The following CC2D2B variants were observed in gnomAD, a reference collection of about 807,000 sequenced individuals.
The protein encoded by CC2D2B is coiled-coil and C2 domain containing 2B, also known as protein CC2D2B.
Under a neutral mutation model 161.2 loss-of-function variants are expected in CC2D2B, and 128 were observed. That is an observed-to-expected ratio of 0.79 (90% confidence interval 0.69 to 0.92). The LOEUF (loss-of-function observed/expected upper bound fraction) is 0.92. Among genes scored for constraint, CC2D2B ranks in the 40% least tolerant of loss-of-function variants. The probability of loss-of-function intolerance (pLI) is 0.00; values close to 1 mark genes in which losing one functional copy is unlikely to be tolerated. For missense variants in CC2D2B, 1,173 were observed against 1,375.1 expected (o/e 0.85, Z 2.32); for synonymous variants, 391 against 449.8 (o/e 0.87, Z 1.65).
At chr10:96,030,491 A>G (rs1172376440) in intron 34 of CC2D2B, among the ~76,000 whole-genome samples, 1 of 152,116 alleles carries the variant, frequency 6.6e-6, no homozygotes, top group Non-Finnish European at 1.5e-5. Context: ...GAGATGAAGT[A>G]AGGAATCTAT....
intron 6 of CC2D2B, among the ~76,000 whole-genome samples, chr10:95,932,943 G>A (rs1218920786): frequency 1.3e-5 from 2 of 152,146 alleles, no homozygotes; most frequent in Non-Finnish European, 2.9e-5. Context: ...CTAAGTTGGG[G>A]AAGTTCTCTT....
Position 95,991,359 on chromosome 10 carries a change from AT to A in CC2D2B, c.2380-3del, listed in dbSNP as rs936993684. On this transcript the variant is annotated splice_polypyrimidine_tract_variant and intron_variant, in intron 20 of 34. Coordinates refer to ENST00000646931, the MANE Select transcript of CC2D2B (RefSeq NM_001349008.3). ...CAATACATTTTTTATTAAATTCTAAATTTTTTTTAGGTGAGAAGGTTGATAA... is the reference window on the plus strand; with the variant it reads ...CAATACATTTTTTATTAAATTCTAAATTTTTTTAGGTGAGAAGGTTGATAA... The A allele has an allele frequency of 2.0e-4, 182 of 924,480 alleles. No homozygotes were observed. The highest frequency in any genetic ancestry group is 1.2e-3 in the East Asian group (36 of 29,878). The allele number at this position is 924,480 out of a possible 1,614,324, so 57.3% of individuals were successfully genotyped here. A position where few individuals can be genotyped will look rare whatever the true frequency, so the allele number is the denominator to read the frequency against.
Position 95,996,226 on chromosome 10 carries a change from G to A in CC2D2B, c.2823G>A (p.Trp941Ter). 1 of 1,494,806 alleles carries A rather than the reference G, an allele frequency of 6.7e-7. No homozygotes were observed. The highest frequency in any genetic ancestry group is 1.3e-5 in the South Asian group (1 of 77,882). 92.6% of individuals were successfully genotyped at this position (1,494,806 alleles called of 1,614,324 possible). A position where few individuals can be genotyped will look rare whatever the true frequency, so the allele number is the denominator to read the frequency against. Residue 941 changes from tryptophan to a stop codon, truncating the protein, a stop_gained, in exon 24 of 35, where the codon TGG becomes TGA. Transcript: ENST00000646931. LOFTEE classifies it high-confidence loss of function. ...CAGCAAGTGGATCTCATCCATGCTG[G>A]AATGAAGAAATTAAAGTAGATTTTG... ...TNTASGSHPC[W>*]NEEIKVDFVS...
At chr10:95,926,291 C>G (rs1014481589) in intron 5 of CC2D2B, among the ~76,000 whole-genome samples, 2 of 151,934 alleles carry the variant, frequency 1.3e-5, no homozygotes, top group Non-Finnish European at 2.9e-5. Flanking sequence ...AAACACGATC[C>G]CAATTACCAC....
intron 2 of CC2D2B, among the ~76,000 whole-genome samples, chr10:95,914,877 G>A (rs1422525686): frequency 6.6e-6 from 1 of 152,176 alleles, no homozygotes; most frequent in Non-Finnish European, 1.5e-5. Flanking sequence ...TTCCTGCTCA[G>A]GATAGCTCTG....
At chr10:95,920,771 A>G (rs1385604026) in intron 2 of CC2D2B, 1 of 152,292 alleles carries the variant, frequency 6.6e-6, no homozygotes, top group Non-Finnish European at 1.5e-5. Context: ...GAATTCTGCC[A>G]GGATTGCAAC....
intron 16 of CC2D2B, among the ~76,000 whole-genome samples, chr10:95,973,485 A>G (rs1383288229): frequency 6.6e-6 from 1 of 152,074 alleles, no homozygotes; most frequent in African/African-American, 2.4e-5. Context: ...TCATCTCTAC[A>G]TATTCATCTC....
intron 6 of CC2D2B, among the ~76,000 whole-genome samples, chr10:95,935,551 A>AG (rs1188461109): frequency 6.6e-6 from 1 of 151,154 alleles, no homozygotes; most frequent in Admixed American, 6.6e-5. Context: ...AAGTCCTTAC[A>AG]GGGGGGACCT....
intron 15 of CC2D2B, 28 bp downstream of exon 15, chr10:95,968,929 C>T (rs1172842180): frequency 3.4e-6 from 4 of 1,170,274 alleles, no homozygotes; most frequent in Non-Finnish European, 4.3e-6. Context: ...ACTTTTGTAT[C>T]TTATTTTATG....
At chr10:96,008,181 T>TC (rs796785911) in intron 25 of CC2D2B, among the ~76,000 whole-genome samples, 6 of 151,410 alleles carry the variant, frequency 4.0e-5, no homozygotes, top group African/African-American at 1.5e-4. Context: ...TTTTTTTTTT[T>TC]TTTGGTTTTG....
intron 14 of CC2D2B, among the ~76,000 whole-genome samples, chr10:95,968,164 C>T (rs1340379845): frequency 6.6e-6 from 1 of 152,148 alleles, no homozygotes; most frequent in Non-Finnish European, 1.5e-5. Flanking sequence ...GTGGCCTCCC[C>T]ACTGTCCTGG....
intron 25 of CC2D2B, among the ~76,000 whole-genome samples, chr10:96,007,198 C>T (rs2078787342): frequency 6.6e-6 from 1 of 152,080 alleles, no homozygotes; most frequent in African/African-American, 2.4e-5. Flanking sequence ...CTCCAATAGG[C>T]CCCAGTGTGT....
At chr10:95,989,415 G>A (rs1175498837) in intron 20 of CC2D2B, among the ~76,000 whole-genome samples, 1 of 152,202 alleles carries the variant, frequency 6.6e-6, no homozygotes, top group African/African-American at 2.4e-5. Flanking sequence ...CCAGGCATGA[G>A]ACAGCCCCCT....
intron 32 of CC2D2B, among the ~76,000 whole-genome samples, chr10:96,024,139 C>A (rs527738801): frequency 6.6e-6 from 1 of 152,312 alleles, no homozygotes; most frequent in East Asian, 1.9e-4. Flanking sequence ...GTCCTCTCCT[C>A]CCAGAAAATC....
At chr10:96,023,101 C>A (rs934176448) in intron 32 of CC2D2B, among the ~76,000 whole-genome samples, 12 of 152,178 alleles carry the variant, frequency 7.9e-5, no homozygotes, top group Non-Finnish European at 2.9e-5. Context: ...GTCCTCAGGG[C>A]AGACAGAAGC....
At chr10:96,020,586 TGAG>T (rs774411312) in intron 32 of CC2D2B, 1 of 150,694 alleles carries the variant, frequency 6.6e-6, no homozygotes, top group African/African-American at 2.4e-5. Flanking sequence ...AGTCCACAAA[TGAG>T]GAGACAGGAG....
chr10:95,962,018 A>G (rs2076777329), intron 12 of CC2D2B, 49 bp downstream of exon 12: 5 of 1,210,260 alleles, frequency 4.1e-6, no homozygotes, highest in Non-Finnish European at 5.2e-6. Flanking sequence ...GGAACTTCTC[A>G]TGAATAACTG....
At chr10:95,951,679 C>A (rs1464450035) in intron 10 of CC2D2B, among the ~76,000 whole-genome samples, 1 of 151,878 alleles carries the variant, frequency 6.6e-6, no homozygotes. Flanking sequence ...AATTTTTTCC[C>A]ACAATATTAT....
At chr10:95,937,332 A>T (rs2075859369) in intron 6 of CC2D2B, among the ~76,000 whole-genome samples, 1 of 152,200 alleles carries the variant, frequency 6.6e-6, no homozygotes, top group Non-Finnish European at 1.5e-5. Flanking sequence ...AGATAAAATC[A>T]TCCAAAATAA....
Sources: gnomAD v4.1 joint callset for allele counts (sites outside exome capture counted in the v4.1 genomes callset) on GRCh38, gnomAD v4.1.1 for gene constraint, MANE v1.5 for transcripts, NCBI Gene and HGNC (gene_info 2026-07-23, HGNC 2026-07-21) for gene names.